Variants in MAPT observed in about 807,000 individuals in gnomAD.
MAPT encodes microtubule associated protein tau, also known as microtubule-associated protein tau.
In MAPT, 34 loss-of-function variants were observed where a neutral mutation model predicts 67.9. The ratio of observed to expected loss-of-function variants is 0.50; its 90% CI spans 0.38 to 0.67. The LOEUF (loss-of-function observed/expected upper bound fraction) is 0.67. Ranked by LOEUF, MAPT falls within the 30% of genes least tolerant of loss-of-function variation. The pLI, the probability that MAPT is intolerant of heterozygous loss-of-function variation, is 0.00. For missense variants in MAPT, 881 were observed against 1,115.2 expected (o/e 0.79, Z 2.99); for synonymous variants, 456 against 464.5 (o/e 0.98, Z 0.23).
chr17:45,963,936 G>A (rs2070740879), intron 2 of MAPT, among the ~76,000 whole-genome samples: 1 of 152,176 alleles, frequency 6.6e-6, no homozygotes, highest in African/African-American at 2.4e-5. Flanking sequence ...CAGGTGGGTT[G>A]GGGGTAGGTG....
chr17:45,948,503 G>C (rs1044600197), intron 1 of MAPT, among the ~76,000 whole-genome samples: 2 of 152,168 alleles, frequency 1.3e-5, no homozygotes, highest in African/African-American at 4.8e-5. Flanking sequence ...AGTTCTCCCA[G>C]GAAACAAGAG....
chr17:46,022,935 G>A (rs1028689765), intron 12 of MAPT, among the ~76,000 whole-genome samples: 3 of 152,162 alleles, frequency 2.0e-5, no homozygotes, highest in Non-Finnish European at 4.4e-5. Flanking sequence ...GGATAGATAA[G>A]TCGCTAGACA....
chr17:46,003,348 G>T (rs1392185529), intron 9 of MAPT, among the ~76,000 whole-genome samples: 2 of 151,204 alleles, frequency 1.3e-5, no homozygotes, highest in South Asian at 2.1e-4. Context: ...GTGCAATCTC[G>T]GCTCACTGCA....
intron 3 of MAPT, chr17:45,975,917 A>C (rs1568264699): frequency 1.3e-5 from 2 of 151,212 alleles, no homozygotes; most frequent in East Asian, 1.9e-4. Flanking sequence ...CTCTGTCTCC[A>C]TGGGGACCTT....
At chr17:45,914,878 G>T (rs56042957) in intron 1 of MAPT, among the ~76,000 whole-genome samples, 1 of 151,358 alleles carries the variant, frequency 6.6e-6, no homozygotes, top group Non-Finnish European at 1.5e-5. Context: ...GCATACCACC[G>T]TGCCCAGCTA....
chr17:45,932,594 C>CAAAAAAA (rs982542546), intron 1 of MAPT, among the ~76,000 whole-genome samples: 1 of 50,056 alleles, frequency 2.0e-5, no homozygotes, highest in Non-Finnish European at 3.6e-5. Context: ...GACTCCATCT[C>CAAAAAAA]AAAAAAAAAA....
In MAPT at chr17:45,933,245, C is replaced by CTTTT. The variant is rs61564191; in HGVS notation, c.-17-29065_-17-29062dup. On this transcript the variant is annotated intron_variant, in intron 1 of 12. Transcript: ENST00000262410. Reference sequence around the variant, plus strand: ...TACTGTTTTTGAACTCTCTCTCTCCCTTTTTTTTTTTTTTGAGACAGAGTC... The same window carrying CTTTT: ...TACTGTTTTTGAACTCTCTCTCTCCCTTTTTTTTTTTTTTTTTTGAGACAGAGTC... 2.0e-3 allele frequency among the ~76,000 whole-genome samples: 285 copies of CTTTT among 139,204 alleles called. 11 individuals carry two copies. The highest frequency in any genetic ancestry group is 7.5e-3 in the Middle Eastern group (2 of 268). The allele number at this position is 139,204 out of a possible 152,430, so 91.3% of individuals were successfully genotyped here.
At chr17:46,018,874 C>T in intron 12 of MAPT, 144 bp downstream of exon 12, 2 of 668,108 alleles carry the variant, frequency 3.0e-6, no homozygotes, top group Non-Finnish European at 5.4e-6. Context: ...TCAGCAGCAT[C>T]CAGTGGGTCT....
chr17:45,985,733 AACAAAGAAC>A (rs1568283717), intron 5 of MAPT: 1 of 985,306 alleles, frequency 1.0e-6, no homozygotes, highest in Non-Finnish European at 1.2e-6. Flanking sequence ...ATGTGGGCAA[AACAAAGAAC>A]ACGTGAGTCA....
At position 45,906,304 on chromosome 17, in the gene MAPT, T is replaced by C. The variant is rs935174629; in HGVS notation, c.-18+11618T>C. Among the ~76,000 whole-genome samples the C allele has an allele frequency of 1.2e-4, 19 of 152,292 alleles. No individual in the cohort carries two copies. The highest frequency in any genetic ancestry group is 4.1e-4 in the African/African-American group (17 of 41,566). On this transcript the variant is annotated intron_variant, in intron 1 of 12. Coordinates refer to ENST00000262410, the MANE Select transcript of MAPT (RefSeq NM_001377265.1). This position sits in a 1 kb window ranked among gnomAD's most constrained non-coding sequence, Gnocchi z 4.3. ...TTTTCTGGAGTTTTCAGTTTTTTCC[T>C]AACCAGACAGGGACTTGGTACAGAA...
chr17:45,918,010 G>C (rs868595940), intron 1 of MAPT, among the ~76,000 whole-genome samples: 50 of 152,250 alleles, frequency 3.3e-4, no homozygotes, highest in Middle Eastern at 6.8e-3. Flanking sequence ...CTGACCTCAG[G>C]TGATCCACCC....
chr17:45,900,165 T>A, intron 1 of MAPT, among the ~76,000 whole-genome samples: 1 of 152,234 alleles, frequency 6.6e-6, no homozygotes, highest in East Asian at 1.9e-4. Context: ...TGGGAGGCTT[T>A]TCTCACTTCC....
Position 45,996,144 on chromosome 17 carries a change from C to T in MAPT, c.1733-255C>T, listed in dbSNP as rs180820008. 8.1e-4 allele frequency among the ~76,000 whole-genome samples: 123 copies of T among 152,242 alleles called. No individual in the cohort carries two copies. The highest frequency in any genetic ancestry group is 2.9e-3 in the African/African-American group (120 of 41,544). Reference sequence around the variant, plus strand: ...GCCGAGTTGGCCACCTCTCTGGGAGCGGGTATTGGATGGTGGTTGATGGTT... The same window carrying T: ...GCCGAGTTGGCCACCTCTCTGGGAGTGGGTATTGGATGGTGGTTGATGGTT... On this transcript the variant is annotated intron_variant, in intron 8 of 12. Transcript: ENST00000262410. This position sits in a 1 kb window ranked among gnomAD's most constrained non-coding sequence, Gnocchi z 4.5.
chr17:45,968,966 G>C (rs2071368581), intron 2 of MAPT, among the ~76,000 whole-genome samples: 1 of 152,240 alleles, frequency 6.6e-6, no homozygotes. Flanking sequence ...GAGGCAGAGA[G>C]AGGTTAGGTA....
In MAPT at chr17:45,983,766, A is replaced by G. The variant is rs1266436230; in HGVS notation, c.1187A>G (p.His396Arg). 6.2e-7 allele frequency: 1 copy of G among 1,613,938 alleles called. No homozygotes were observed. The highest frequency in any genetic ancestry group is 8.5e-7 in the Non-Finnish European group (1 of 1,179,994). ...VQKEQAHSEE[H>R]LGRAAFPGAP... Reference sequence around the variant, plus strand: ...AAGGAGCAGGCGCACTCGGAGGAGCATTTGGGAAGGGCTGCATTTCCAGGG... The same window carrying G: ...AAGGAGCAGGCGCACTCGGAGGAGCGTTTGGGAAGGGCTGCATTTCCAGGG... Residue 396 changes from histidine to arginine, a missense_variant, in exon 5 of 13, where the codon CAT becomes CGT. Coordinates refer to ENST00000262410, the MANE Select transcript of MAPT (RefSeq NM_001377265.1).
intron 6 of MAPT, among the ~76,000 whole-genome samples, chr17:45,989,101 A>G (rs1218091481): frequency 1.3e-5 from 2 of 152,086 alleles, no homozygotes; most frequent in Non-Finnish European, 2.9e-5. Flanking sequence ...GGAAGAGGCC[A>G]TGGGTTAATG....
chr17:45,973,941 A>C (rs149590992), intron 3 of MAPT: 140 of 183,536 alleles, frequency 7.6e-4, no homozygotes, highest in Non-Finnish European at 1.2e-3. Context: ...GCAGATGAGG[A>C]AACCGTCCAA....
intron 1 of MAPT, among the ~76,000 whole-genome samples, chr17:45,954,136 T>C (rs114264884): frequency 0.019 from 2,837 of 152,250 alleles, 99 homozygotes; most frequent in African/African-American, 0.064. Flanking sequence ...AAAAATGAAA[T>C]AAAATAAGAT....
intron 1 of MAPT, among the ~76,000 whole-genome samples, chr17:45,947,744 A>G (rs1050177276): frequency 1.3e-5 from 2 of 152,060 alleles, no homozygotes; most frequent in Non-Finnish European, 2.9e-5. Flanking sequence ...TACCTTAGAC[A>G]GAGGTTCTCA....
Sources: gnomAD v4.1 joint callset for allele counts (sites outside exome capture counted in the v4.1 genomes callset) on GRCh38, gnomAD v4.1.1 for gene constraint, Gnocchi (gnomAD v3.1) non-coding constraint, MANE v1.5 for transcripts, NCBI Gene and HGNC (gene_info 2026-07-23, HGNC 2026-07-21) for gene names.